UMAD1: variants seen among roughly 807,000 people sequenced by gnomAD.
UMAD1 encodes the protein UBAP1-MVB12-associated (UMA)-domain containing protein 1.
Under a neutral mutation model 6.1 loss-of-function variants are expected in UMAD1, and 8 were observed. The observed-to-expected ratio is 1.30, with a 90% CI of 0.76 to 2.35. The LOEUF is 2.35. UMAD1 is among the 30% of genes most tolerant of loss of function. The probability of loss-of-function intolerance (pLI) is 0.00; values close to 1 mark genes in which losing one functional copy is unlikely to be tolerated. For synonymous variants in UMAD1, 56 were observed against 31.4 expected (o/e 1.78, Z -2.61); for missense variants, 130 against 78.4 (o/e 1.66, Z -2.49).
In UMAD1 at chr7:7,809,415, AT is replaced by A. The variant is rs995120630; in HGVS notation, c.156+7677del. On this transcript the variant is annotated intron_variant, in intron 3 of 3. Transcript: ENST00000682710. Reference sequence around the variant, plus strand: ...TGTTCATTTCTTTTTAAAAACTTTTATTTTTAATGGACAAGTAATAATTGCA... The same window carrying A: ...TGTTCATTTCTTTTTAAAAACTTTTATTTTAATGGACAAGTAATAATTGCA... Among the ~76,000 whole-genome samples the A allele has an allele frequency of 1.1e-4, 17 of 152,048 alleles. 1 individual carries two copies. The highest frequency in any genetic ancestry group is 3.4e-4 in the African/African-American group (14 of 41,554).
intron 1 of UMAD1, among the ~76,000 whole-genome samples, chr7:7,643,061 TC>T (rs910291889): frequency 9.2e-5 from 14 of 152,110 alleles, no homozygotes; most frequent in Non-Finnish European, 1.2e-4. Flanking sequence ...TAGTGGGCTC[TC>T]CCCCAACCCA....
At chr7:7,760,843 T>G (rs1781874271) in intron 2 of UMAD1, among the ~76,000 whole-genome samples, 1 of 152,180 alleles carries the variant, frequency 6.6e-6, no homozygotes, top group South Asian at 2.1e-4. Flanking sequence ...CCACTGAAGA[T>G]TTTTTGAAAA....
intron 3 of UMAD1, among the ~76,000 whole-genome samples, chr7:7,876,490 C>T (rs1424273562): frequency 6.6e-6 from 1 of 152,138 alleles, no homozygotes; most frequent in Non-Finnish European, 1.5e-5. Context: ...GGCCATTCAT[C>T]TTCATTGCTG....
intron 2 of UMAD1, among the ~76,000 whole-genome samples, chr7:7,698,805 G>C (rs1444309515): frequency 1.3e-5 from 2 of 151,572 alleles, no homozygotes; most frequent in Non-Finnish European, 2.9e-5. Flanking sequence ...AAGTGATTTG[G>C]AGCCAAAAAC....
intron 2 of UMAD1, among the ~76,000 whole-genome samples, chr7:7,779,599 C>T (rs553634615): frequency 6.6e-6 from 1 of 152,070 alleles, no homozygotes; most frequent in South Asian, 2.1e-4. Flanking sequence ...TGCCCAGCCC[C>T]GTTTTTTTCC....
At chr7:7,761,719 T>G (rs1417795094) in intron 2 of UMAD1, among the ~76,000 whole-genome samples, 2 of 152,240 alleles carry the variant, frequency 1.3e-5, no homozygotes, top group African/African-American at 4.8e-5. Context: ...CTCATCTTAT[T>G]ATTTATTGAT....
intron 1 of UMAD1, chr7:7,641,086 T>A (rs556663225): frequency 6.5e-6 from 1 of 152,704 alleles, no homozygotes; most frequent in East Asian, 1.9e-4. Context: ...TCAGTGATCT[T>A]GATCACTTTC....
At chr7:7,841,377 C>T (rs776845023) in intron 3 of UMAD1, among the ~76,000 whole-genome samples, 31 of 150,132 alleles carry the variant, frequency 2.1e-4, no homozygotes, top group African/African-American at 2.7e-4. Context: ...TGCAATGGCA[C>T]GATCATGGCT....
intron 1 of UMAD1, among the ~76,000 whole-genome samples, chr7:7,643,159 C>T (rs1042629389): frequency 6.6e-5 from 10 of 152,146 alleles, no homozygotes; most frequent in African/African-American, 2.4e-4. Flanking sequence ...AGGCCATTTC[C>T]TGATGGTCCA....
At chr7:7,653,224 A>G (rs928198089) in intron 1 of UMAD1, among the ~76,000 whole-genome samples, 1 of 152,252 alleles carries the variant, frequency 6.6e-6, no homozygotes, top group African/African-American at 2.4e-5. Context: ...TTTACACTCA[A>G]ATCAAAATGG....
chr7:7,804,533 C>T (rs1782868317), intron 3 of UMAD1, among the ~76,000 whole-genome samples: 3 of 152,318 alleles, frequency 2.0e-5, no homozygotes, highest in Admixed American at 6.5e-5. Flanking sequence ...ATTAGCCGGG[C>T]TTGGCGCCGT....
intron 2 of UMAD1, among the ~76,000 whole-genome samples, chr7:7,721,495 G>A (rs1781048770): frequency 6.6e-6 from 1 of 152,208 alleles, no homozygotes; most frequent in Non-Finnish European, 1.5e-5. Flanking sequence ...TCCTTAAAAG[G>A]AAGCTCATGC....
At chr7:7,716,926 C>T (rs1330168358) in intron 2 of UMAD1, among the ~76,000 whole-genome samples, 1 of 152,130 alleles carries the variant, frequency 6.6e-6, no homozygotes, top group African/African-American at 2.4e-5. Context: ...TCTCTCGTGC[C>T]CTATGTAAAT....
chr7:7,780,547 T>C (rs1782324252), intron 2 of UMAD1, among the ~76,000 whole-genome samples: 1 of 152,172 alleles, frequency 6.6e-6, no homozygotes, highest in Non-Finnish European at 1.5e-5. Flanking sequence ...TGATAACCTT[T>C]CACAAAATGT....
intron 1 of UMAD1, among the ~76,000 whole-genome samples, chr7:7,655,652 A>G (rs759370300): frequency 2.6e-5 from 4 of 152,228 alleles, no homozygotes; most frequent in Non-Finnish European, 5.9e-5. Context: ...ATTAACTCAT[A>G]TAACTTCCCT....
chr7:7,841,300 A>G (rs1020630533), intron 3 of UMAD1, among the ~76,000 whole-genome samples: 7 of 146,018 alleles, frequency 4.8e-5, no homozygotes, highest in African/African-American at 1.5e-4. Flanking sequence ...CGAACTGTCA[A>G]TATAACAAGT....
intron 3 of UMAD1, among the ~76,000 whole-genome samples, chr7:7,854,666 A>G (rs539928675): frequency 5.6e-4 from 86 of 152,292 alleles, no homozygotes; most frequent in African/African-American, 2.0e-3. Flanking sequence ...GTGGGGACAC[A>G]GAGCCAAACC....
At chr7:7,819,550 G>T (rs1167914850) in intron 3 of UMAD1, among the ~76,000 whole-genome samples, 2 of 152,154 alleles carry the variant, frequency 1.3e-5, no homozygotes, top group Admixed American at 6.5e-5. Flanking sequence ...GGGCCATTTT[G>T]AGTTGGATAA....
At chr7:7,747,689 T>A (rs1400914428) in intron 2 of UMAD1, among the ~76,000 whole-genome samples, 1 of 152,186 alleles carries the variant, frequency 6.6e-6, no homozygotes, top group Non-Finnish European at 1.5e-5. Context: ...TCTCTAGCAT[T>A]GAGTCCACTA....
Sources: allele counts gnomAD v4.1 joint callset (sites outside exome capture counted in the v4.1 genomes callset), GRCh38; gene constraint gnomAD v4.1.1; transcripts MANE v1.5; gene names NCBI Gene and HGNC (gene_info 2026-07-23, HGNC 2026-07-21).